TEKTIP1: variants seen among roughly 807,000 people sequenced by gnomAD.
TEKTIP1 encodes the protein tektin bundle interacting protein 1.
the TEKTIP1 span, chr19:3,542,331 G>A: frequency 1.0e-6 from 1 of 985,270 alleles, no homozygotes; most frequent in South Asian, 4.7e-5. Context: ...CATGAGAGCT[G>A]GAACCGGGCT....
the TEKTIP1 span, chr19:3,542,783 A>G: frequency 2.5e-5 from 34 of 1,367,424 alleles, no homozygotes; most frequent in Non-Finnish European, 3.3e-5. Context: ...CACCTGGCCT[A>G]GTGGGTCCCC....
chr19:3,542,736 G>C, the TEKTIP1 span: 1 of 1,325,992 alleles, frequency 7.5e-7, no homozygotes. Context: ...ACCTGCCTCA[G>C]CCTCCCAAAG....
At chr19:3,541,860 G>C in the TEKTIP1 span, 1 of 922,972 alleles carries the variant, frequency 1.1e-6, no homozygotes, top group Non-Finnish European at 1.3e-6. Flanking sequence ...CCAGGCTGGA[G>C]TGCAGTGACG....
At chr19:3,541,684 A>G in the TEKTIP1 span, 8 of 985,274 alleles carry the variant, frequency 8.1e-6, no homozygotes, top group Middle Eastern at 5.2e-4. Flanking sequence ...GCAAGTGTGT[A>G]ATAACGGGGG....
At chr19:3,542,933 C>A in the TEKTIP1 span, 2 of 1,470,408 alleles carry the variant, frequency 1.4e-6, no homozygotes, top group African/African-American at 2.8e-5. Flanking sequence ...CAGGAGTAGC[C>A]AGGGCCCTTG....
chr19:3,543,049 TCTCTC>T, the TEKTIP1 span: 3 of 1,603,682 alleles, frequency 1.9e-6, no homozygotes, highest in South Asian at 2.2e-5. Context: ...GGAGTCAGCC[TCTCTC>T]CTCAAGCACC....
chr19:3,539,552 C>G, the TEKTIP1 span: 1 of 452,214 alleles, frequency 2.2e-6, no homozygotes, highest in East Asian at 3.4e-5. Context: ...CTCTGAAATC[C>G]AGGCCTGTGC....
chr19:3,539,441 T>G, the TEKTIP1 span: 5 of 586,974 alleles, frequency 8.5e-6, no homozygotes, highest in East Asian at 1.1e-4. Context: ...CCGCTCACTG[T>G]GGGGGCTACA....
the TEKTIP1 span, chr19:3,539,248 C>T: frequency 6.5e-7 from 1 of 1,548,990 alleles, no homozygotes. Flanking sequence ...AGCTTCCCAG[C>T]ACCGCTGTAC....
At chr19:3,542,976 A>T in the TEKTIP1 span, 2 of 1,561,910 alleles carry the variant, frequency 1.3e-6, no homozygotes, top group African/African-American at 2.7e-5. Context: ...AGGCAAGAAA[A>T]GCTGAGAACA....
chr19:3,542,937 G>T, the TEKTIP1 span: 1 of 1,479,406 alleles, frequency 6.8e-7, no homozygotes, highest in Non-Finnish European at 9.1e-7. Flanking sequence ...AGTAGCCAGG[G>T]CCCTTGTCCT....
chr19:3,540,448 G>C, the TEKTIP1 span, among the ~76,000 whole-genome samples: 2 of 151,424 alleles, frequency 1.3e-5, no homozygotes, highest in Non-Finnish European at 2.9e-5. Context: ...AGTAGAGACG[G>C]GGTTTCACCA....
the TEKTIP1 span, among the ~76,000 whole-genome samples, chr19:3,540,528 T>C: frequency 6.6e-6 from 1 of 151,098 alleles, no homozygotes; most frequent in Non-Finnish European, 1.5e-5. Flanking sequence ...AGTGCTGGGA[T>C]TACAGGCGTG....
At chr19:3,543,574 G>A in the TEKTIP1 span, 2 of 1,541,542 alleles carry the variant, frequency 1.3e-6, no homozygotes, top group Admixed American at 2.0e-5. Flanking sequence ...AGCACCTGCG[G>A]GAGACCGCCT....
At chr19:3,543,802 A>T in the TEKTIP1 span, 17 of 1,503,218 alleles carry the variant, frequency 1.1e-5, no homozygotes, top group African/African-American at 1.1e-4. Flanking sequence ...AGGTGGGGGC[A>T]CATGGTGACC....
At chr19:3,540,463 G>T in the TEKTIP1 span, among the ~76,000 whole-genome samples, 1 of 149,924 alleles carries the variant, frequency 6.7e-6, no homozygotes, top group Admixed American at 6.6e-5. Flanking sequence ...TCACCATGTT[G>T]GCCAGGATGG....
the TEKTIP1 span, chr19:3,543,171 C>G: frequency 4.6e-6 from 7 of 1,520,728 alleles, no homozygotes; most frequent in Admixed American, 1.4e-4. Flanking sequence ...TGGCAGACAT[C>G]GCAAAGGGGT....
chr19:3,541,684 A>T, the TEKTIP1 span: 2 of 985,392 alleles, frequency 2.0e-6, no homozygotes, highest in Non-Finnish European at 2.4e-6. Context: ...GCAAGTGTGT[A>T]ATAACGGGGG....
chr19:3,543,804 A>T, the TEKTIP1 span: 150 of 1,503,948 alleles, frequency 1.0e-4, no homozygotes, highest in African/African-American at 1.7e-3. Context: ...GTGGGGGCAC[A>T]TGGTGACCCG....
Sources: gnomAD v4.1 joint callset for allele counts (sites outside exome capture counted in the v4.1 genomes callset) on GRCh38, gnomAD v4.1.1 for gene constraint, MANE v1.5 for transcripts, NCBI Gene and HGNC (gene_info 2026-07-23, HGNC 2026-07-21) for gene names.